Variants in KALRN observed in about 807,000 individuals in gnomAD.
KALRN encodes the protein kalirin.
Under a neutral mutation model 353.7 loss-of-function variants are expected in KALRN, and 70 were observed. The observed-to-expected ratio is 0.20, with a 90% CI of 0.16 to 0.24. KALRN has a LOEUF of 0.24. KALRN is among the 10% of genes least tolerant of loss of function. KALRN has a pLI of 1.00. For missense variants in KALRN, 2,791 were observed against 3,756.7 expected (o/e 0.74, Z 6.72); for synonymous variants, 1,391 against 1,434.8 (o/e 0.97, Z 0.69).
At chr3:124,602,122 C>G (rs774742762) in intron 34 of KALRN, among the ~76,000 whole-genome samples, 3 of 151,824 alleles carry the variant, frequency 2.0e-5, no homozygotes, top group Non-Finnish European at 4.4e-5. Context: ...CAGTTTTAGG[C>G]AAAAAGAAAT....
intron 10 of KALRN, among the ~76,000 whole-genome samples, chr3:124,372,615 A>T (rs12490501): frequency 3.8e-5 from 1 of 26,250 alleles, no homozygotes; most frequent in Non-Finnish European, 8.2e-5. Flanking sequence ...TTTATTATTT[A>T]TTTTTTTATT....
intron 57 of KALRN, among the ~76,000 whole-genome samples, chr3:124,704,374 A>G (rs551198708): frequency 2.6e-5 from 4 of 152,292 alleles, no homozygotes; most frequent in African/African-American, 9.6e-5. Flanking sequence ...TATTTCTCAA[A>G]GGGAAGATCA....
Position 124,413,454 on chromosome 3 carries a change from A to G in KALRN, c.2347-16A>G, listed in dbSNP as rs751101670. On this transcript the variant is annotated splice_polypyrimidine_tract_variant and intron_variant, in intron 13 of 59. Transcript: ENST00000682506. Reference sequence around the variant, plus strand: ...GACCTGGTGAGCCTGTGCTGATGACAGTGGTTCCCTCACAGGTGACAGCAG... The same window carrying G: ...GACCTGGTGAGCCTGTGCTGATGACGGTGGTTCCCTCACAGGTGACAGCAG... 2.7e-5 allele frequency: 44 copies of G among 1,611,584 alleles called. No individual in the cohort carries two copies. Among genetic ancestry groups the G allele is most frequent in the Non-Finnish European group, 3.7e-5 (44 of 1,178,370 alleles).
chr3:124,437,137 G>A (rs1296679714), intron 17 of KALRN, among the ~76,000 whole-genome samples: 2 of 151,256 alleles, frequency 1.3e-5, no homozygotes, highest in Admixed American at 1.3e-4. Context: ...CTAGAGATGG[G>A]ACTAGGGAAG....
intron 3 of KALRN, among the ~76,000 whole-genome samples, chr3:124,263,550 C>T (rs1406461884): frequency 6.6e-6 from 1 of 151,692 alleles, no homozygotes; most frequent in African/African-American, 2.4e-5. Flanking sequence ...AGAATAGCCA[C>T]TGCACTCCAG....
intron 57 of KALRN, among the ~76,000 whole-genome samples, chr3:124,709,592 G>T (rs1349882037): frequency 6.6e-6 from 1 of 152,144 alleles, no homozygotes; most frequent in East Asian, 1.9e-4. Flanking sequence ...AACCTTAATA[G>T]AAGTGTGGGA....
rs2150268641 is a variant in KALRN at position 124,413,617 on chromosome 3, C to A, written c.2494C>A (p.Gln832Lys). 6.2e-7 allele frequency: 1 copy of A among 1,614,122 alleles called. No individual in the cohort carries two copies. The highest frequency in any genetic ancestry group is 8.5e-7 in the Non-Finnish European group (1 of 1,180,010). The change falls in exon 14 of 60, where the codon CAG becomes AAG. Residue 832 changes from glutamine to lysine, a missense_variant. This residue lies in a region of KALRN where 452 missense variants were observed against 575.8 expected (regional missense o/e 0.78). Transcript: ENST00000682506. ...GAACAACATGACCTTTGAGGTTATC[C>A]AGCAGGGACAGGATCTGCACCAGTA... is the stretch of plus-strand genomic sequence containing the variant. ...AMNNMTFEVI[Q>K]QGQDLHQYIT...
intron 33 of KALRN, among the ~76,000 whole-genome samples, chr3:124,549,339 ACACACACACATAAT>A (rs1163396228): frequency 4.1e-5 from 6 of 146,906 alleles, no homozygotes; most frequent in African/African-American, 7.7e-5. Context: ...ACACACACAC[ACACACACACATAAT>A]CACACACACA....
At chr3:124,377,078 TGG>T (rs2086691637) in intron 10 of KALRN, among the ~76,000 whole-genome samples, 1 of 152,210 alleles carries the variant, frequency 6.6e-6, no homozygotes, top group Non-Finnish European at 1.5e-5. Flanking sequence ...TGAAAAGTAC[TGG>T]AAGTTATAGT....
At chr3:124,039,915 TTTGGGGGAGTA>T (rs1487438811) in intron 1 of KALRN, among the ~76,000 whole-genome samples, 1 of 152,158 alleles carries the variant, frequency 6.6e-6, no homozygotes, top group Non-Finnish European at 1.5e-5. Context: ...TTCAGGAGCC[TTTGGGGGAGTA>T]TTGGGAAGAC....
At chr3:124,344,339 T>G (rs770053225) in intron 9 of KALRN, among the ~76,000 whole-genome samples, 1 of 152,238 alleles carries the variant, frequency 6.6e-6, no homozygotes, top group Non-Finnish European at 1.5e-5. Context: ...CAGGCACTGC[T>G]GATGTCTGCT....
chr3:124,110,458 T>TAC (rs563446639), intron 1 of KALRN, among the ~76,000 whole-genome samples: 2,574 of 67,800 alleles, frequency 0.038, 166 homozygotes, highest in African/African-American at 0.11. Flanking sequence ...ATTTCATATA[T>TAC]ACACACGCGC....
chr3:124,074,593 G>A (rs1339700866), intron 1 of KALRN, among the ~76,000 whole-genome samples: 1 of 152,208 alleles, frequency 6.6e-6, no homozygotes, highest in Non-Finnish European at 1.5e-5. Flanking sequence ...CCCTCACACT[G>A]AAACTCAGTC....
rs1307973329 is a variant in KALRN, at chr3:124,533,076, G to C, written c.4936-29767G>C. Among the ~76,000 whole-genome samples the C allele has an allele frequency of 2.7e-5, 4 of 150,052 alleles. No individual in the cohort carries two copies. The East Asian group carries it at 7.8e-4, about 29-fold the overall frequency. On this transcript the variant is annotated intron_variant, in intron 33 of 59. Transcript: ENST00000682506. ...TACTGATAAAAGAGACATAGATACT[G>C]TAAAATAGTAATTTTTAAAAAATTG...
At position 124,718,990 on chromosome 3, in the gene KALRN, T is replaced by C. The variant is rs938078153; in HGVS notation, c.8481T>C (p.Asp2827=). ...GAGTGAAGCTCATTGACTTGGAGGA[T>C]GCTGTCCAGATCTCGGGTCACTTCC... ...VPRVKLIDLE[D]AVQISGHFHI... is the part of the protein sequence containing the mutation. Residue 2827 remains aspartate, a synonymous_variant, in exon 60 of 60, where the codon GAT becomes GAC. Coordinates refer to ENST00000682506, the MANE Select transcript of KALRN (RefSeq NM_001388419.1). 6.2e-7 allele frequency: 1 copy of C among 1,614,104 alleles called. No homozygotes were observed. The highest frequency in any genetic ancestry group is 1.3e-5 in the African/African-American group (1 of 74,946).
intron 37 of KALRN, among the ~76,000 whole-genome samples, chr3:124,642,013 G>GT (rs1168481978): frequency 6.6e-6 from 1 of 152,164 alleles, no homozygotes; most frequent in African/African-American, 2.4e-5. Context: ...CAAGTGTGGT[G>GT]GCTCACACCT....
At chr3:124,188,958 G>A (rs2074568815) in intron 1 of KALRN, among the ~76,000 whole-genome samples, 1 of 152,186 alleles carries the variant, frequency 6.6e-6, no homozygotes, top group African/African-American at 2.4e-5. Flanking sequence ...GGAAATTCCA[G>A]TTTTTACAAG....
chr3:124,392,934 C>T (rs2089655801), intron 11 of KALRN, among the ~76,000 whole-genome samples: 1 of 119,044 alleles, frequency 8.4e-6, no homozygotes, highest in African/African-American at 3.3e-5. Context: ...CTATCCCTCC[C>T]CCCTCCCCCC....
intron 45 of KALRN, among the ~76,000 whole-genome samples, 168 bp from the exon 46 acceptor site, chr3:124,666,281 C>T (rs1244610728): frequency 6.6e-6 from 1 of 152,172 alleles, no homozygotes; most frequent in Non-Finnish European, 1.5e-5. Flanking sequence ...CCAAGGTCGG[C>T]CCCTGGATGA....
Sources: gnomAD v4.1 joint callset for allele counts (sites outside exome capture counted in the v4.1 genomes callset) on GRCh38, gnomAD v4.1.1 for gene constraint, gnomAD v4.1.1 regional missense constraint, MANE v1.5 for transcripts, NCBI Gene and HGNC (gene_info 2026-07-23, HGNC 2026-07-21) for gene names.